ZMPSTE24: variants seen among roughly 807,000 people sequenced by gnomAD.
The protein encoded by ZMPSTE24 is CAAX prenyl protease 1 homolog.
ZMPSTE24 carries 48 observed loss-of-function variants against 56.7 expected under a neutral mutation model. That is an observed-to-expected ratio of 0.85 (90% CI 0.67 to 1.08). ZMPSTE24 has a LOEUF of 1.08. Among genes scored for constraint, ZMPSTE24 ranks in the 50% least tolerant of loss-of-function variants. The pLI is 0.00. For synonymous variants in ZMPSTE24, 172 were observed against 195.2 expected, an observed-to-expected ratio of 0.88 and a Z score of 0.99; for missense variants, 503 against 548.7, an observed-to-expected ratio of 0.92 and a Z score of 0.83.
At chr1:40,261,501 C>T (rs1643496488) in intron 2 of ZMPSTE24, among the ~76,000 whole-genome samples, 1 of 152,024 alleles carries the variant, frequency 6.6e-6, no homozygotes, top group Non-Finnish European at 1.5e-5. Flanking sequence ...AGTTGCATGC[C>T]ACCATACCGT....
At chr1:40,269,844 T>C in intron 4 of ZMPSTE24, 131 bp from the exon 5 acceptor site, 1 of 1,044,142 alleles carries the variant, frequency 9.6e-7, no homozygotes, top group African/African-American at 1.6e-5. Flanking sequence ...CCTAATGTCA[T>C]ATAATATAGT....
At chr1:40,262,458 A>G (rs1643506413) in intron 2 of ZMPSTE24, among the ~76,000 whole-genome samples, 1 of 152,114 alleles carries the variant, frequency 6.6e-6, no homozygotes, top group Non-Finnish European at 1.5e-5. Flanking sequence ...TGTTAGGGAC[A>G]TGTCACAAGT....
intron 2 of ZMPSTE24, among the ~76,000 whole-genome samples, chr1:40,267,051 T>C (rs1419580370): frequency 6.6e-6 from 1 of 151,776 alleles, no homozygotes; most frequent in African/African-American, 2.4e-5. Flanking sequence ...TACAGGCATA[T>C]GCTACCATAC....
At chr1:40,289,573 AT>A (rs1643819729) in intron 8 of ZMPSTE24, among the ~76,000 whole-genome samples, 1 of 152,182 alleles carries the variant, frequency 6.6e-6, no homozygotes, top group Non-Finnish European at 1.5e-5. Context: ...TCTAAGCCCC[AT>A]TCTAAGCTGA....
chr1:40,273,535 AAAATATATAT>A (rs1180684818), intron 6 of ZMPSTE24, among the ~76,000 whole-genome samples: 16 of 45,434 alleles, frequency 3.5e-4, no homozygotes, highest in African/African-American at 1.5e-3. Context: ...AAAAAAAAAA[AAAATATATAT>A]ATATATATAT....
chr1:40,284,069 G>A (rs1337790026), intron 7 of ZMPSTE24, among the ~76,000 whole-genome samples: 3 of 149,158 alleles, frequency 2.0e-5, no homozygotes, highest in Non-Finnish European at 4.4e-5. Context: ...CTGAGTAGCT[G>A]GGATTACAGG....
In ZMPSTE24 at chr1:40,291,068, T is replaced by C. The variant is rs1215094061; in HGVS notation, c.1203+71T>C. The stretch of plus-strand genomic sequence containing the variant: ...TTCAAATCTAGAGCTTTCAGGATAG[T>C]GAAAAAGGAAATAGAACAGTACAGT... On this transcript the variant is annotated intron_variant, in intron 9 of 9. Coordinates refer to ENST00000372759, the MANE Select transcript of ZMPSTE24 (RefSeq NM_005857.5). 10 of 1,574,380 alleles carry C rather than the reference T, an allele frequency of 6.4e-6. No individual in the cohort carries two copies. In the African/African-American group the frequency reaches 1.1e-4, roughly 17 times the overall value.
At chr1:40,263,895 C>G (rs550721322) in intron 2 of ZMPSTE24, among the ~76,000 whole-genome samples, 15 of 152,122 alleles carry the variant, frequency 9.9e-5, no homozygotes, top group Admixed American at 8.5e-4. Flanking sequence ...TCACAGATAT[C>G]AATAAAGGGC....
chr1:40,286,047 A>C lies in ZMPSTE24; in HGVS notation c.1059+18A>C. ...TTAGCCAGGTAAGTGTGGAGTGACA[A>C]TTCTTTTTTTATGGCATGATAGTCA... On this transcript the variant is annotated intron_variant, in intron 8 of 9. Coordinates refer to ENST00000372759, the MANE Select transcript of ZMPSTE24 (RefSeq NM_005857.5). 1 of 1,599,188 alleles carries C rather than the reference A, an allele frequency of 6.3e-7. No homozygotes were observed.
chr1:40,281,480 CG>C lies in ZMPSTE24; in HGVS notation c.908del (p.Arg303ProfsTer11). On this transcript the variant is annotated frameshift_variant, in exon 7 of 10. Coordinates refer to ENST00000372759, the MANE Select transcript of ZMPSTE24 (RefSeq NM_005857.5). LOFTEE classifies it high-confidence loss of function. ...CCAGGAGGATTCTGGCATGGAACCC[CG>C]CAATGAGGAAGAAGGGAACAGTGAA... is the stretch of plus-strand genomic sequence containing the variant. ...DIQEDSGMEP[R>X]NEEEGNSEEI... The C allele has an allele frequency of 6.2e-7, 1 of 1,614,052 alleles. No individual in the cohort carries two copies. The highest frequency in any genetic ancestry group is 8.5e-7 in the Non-Finnish European group (1 of 1,179,992).
chr1:40,270,110 A>G lies in ZMPSTE24; in HGVS notation c.610A>G (p.Thr204Ala). ...TTTTTTTATTTATGCCTGGCTGTTC[A>G]CATTAGTTGTGTCTCTGGTGAGTAA... ...DYFFIYAWLF[T>A]LVVSLVLVTI... is the part of the protein sequence containing the mutation. The change falls in exon 5 of 10, where the codon ACA (threonine) becomes GCA (alanine). Residue 204 changes from threonine (T) to alanine (A), a missense_variant. Thr to Ala is a moderately conservative substitution (Grantham distance 58). Coordinates refer to ENST00000372759, the MANE Select transcript of ZMPSTE24 (RefSeq NM_005857.5). 6.2e-7 allele frequency: 1 copy of G among 1,613,902 alleles called. No homozygotes were observed. The highest frequency in any genetic ancestry group is 8.5e-7 in the Non-Finnish European group (1 of 1,179,924).
At chr1:40,266,811 C>T (rs1345261457) in intron 2 of ZMPSTE24, among the ~76,000 whole-genome samples, 1 of 136,516 alleles carries the variant, frequency 7.3e-6, no homozygotes, top group African/African-American at 2.8e-5. Context: ...ATTCTGTCAC[C>T]CAGGCTGGAG....
At chr1:40,270,224 G>A in intron 5 of ZMPSTE24, 97 bp downstream of exon 5, 2 of 1,388,034 alleles carry the variant, frequency 1.4e-6, no homozygotes, top group Non-Finnish European at 2.0e-6. Context: ...AGAAGCAGCT[G>A]AAATATAAAT....
chr1:40,266,569 T>C (rs1557774223), intron 2 of ZMPSTE24, among the ~76,000 whole-genome samples: 1 of 152,106 alleles, frequency 6.6e-6, no homozygotes, highest in Non-Finnish European at 1.5e-5. Context: ...ACCTCACCTC[T>C]TCCTGACCCA....
intron 7 of ZMPSTE24, among the ~76,000 whole-genome samples, chr1:40,281,827 G>GTA (rs1343033533): frequency 4.5e-4 from 68 of 151,132 alleles, no homozygotes; most frequent in African/African-American, 1.0e-3. Flanking sequence ...ATATGTGTGT[G>GTA]TATATATATA....
chr1:40,285,290 A>G (rs1643774746), intron 7 of ZMPSTE24, among the ~76,000 whole-genome samples: 1 of 152,066 alleles, frequency 6.6e-6, no homozygotes, highest in Non-Finnish European at 1.5e-5. Flanking sequence ...GTATTTTGGT[A>G]GAGACAGGGT....
At position 40,292,715 on chromosome 1, in the gene ZMPSTE24, C is replaced by T. The variant is rs1375500399; in HGVS notation, c.*46C>T. 6.4e-7 allele frequency: 1 copy of T among 1,569,444 alleles called. No homozygotes were observed. The highest frequency in any genetic ancestry group is 1.7e-5 in the Admixed American group (1 of 59,906). ...GAAGACATTTCTGATTATTTCTGTC[C>T]TGGCAGCATGTTCCAGCTCTTGATG... On this transcript the variant is annotated 3_prime_UTR_variant, in exon 10 of 10. Coordinates refer to ENST00000372759, the MANE Select transcript of ZMPSTE24 (RefSeq NM_005857.5).
chr1:40,288,447 C>A (rs1643808230), intron 8 of ZMPSTE24, among the ~76,000 whole-genome samples: 1 of 152,188 alleles, frequency 6.6e-6, no homozygotes, highest in Non-Finnish European at 1.5e-5. Context: ...GCTAAATGGT[C>A]CCTGAGATGT....
chr1:40,259,221 AT>A (rs1377952972), intron 1 of ZMPSTE24: 4 of 152,190 alleles, frequency 2.6e-5, no homozygotes, highest in African/African-American at 9.6e-5. Context: ...AATCAACATT[AT>A]TTTAGTTTAA....
Sources: allele counts gnomAD v4.1 joint callset (sites outside exome capture counted in the v4.1 genomes callset), GRCh38; gene constraint gnomAD v4.1.1; transcripts MANE v1.5; gene names NCBI Gene and HGNC (gene_info 2026-07-23, HGNC 2026-07-21).